NOL10: variants seen among roughly 807,000 people sequenced by gnomAD.
NOL10 encodes the protein H_NH0074G24.1.
Under a neutral mutation model 103.5 loss-of-function variants are expected in NOL10, and 58 were observed. The observed-to-expected ratio is 0.56, with a 90% CI of 0.45 to 0.70. The LOEUF (loss-of-function observed/expected upper bound fraction) is 0.70, where lower values mean the gene tolerates loss of function less well. NOL10 is among the 30% of genes least tolerant of loss of function. NOL10 has a pLI of 0.00. For missense variants in NOL10, 763 were observed against 807.3 expected (o/e 0.95, Z 0.67); for synonymous variants, 287 against 282.5 (o/e 1.02, Z -0.16).
intron 17 of NOL10, 125 bp from the exon 18 acceptor site, chr2:10,589,876 C>G: frequency 1.8e-6 from 1 of 545,822 alleles, no homozygotes; most frequent in Non-Finnish European, 2.9e-6. Flanking sequence ...ACATTATTAA[C>G]TCATTATGAA....
At chr2:10,642,014 T>C (rs2148275894) in intron 13 of NOL10, among the ~76,000 whole-genome samples, 2 of 152,318 alleles carry the variant, frequency 1.3e-5, no homozygotes, top group South Asian at 4.1e-4. Flanking sequence ...GCTGTCCATG[T>C]TGCTGTAGTG....
At chr2:10,598,907 T>C (rs1392953335) in intron 17 of NOL10, among the ~76,000 whole-genome samples, 2 of 150,764 alleles carry the variant, frequency 1.3e-5, no homozygotes, top group Non-Finnish European at 3.0e-5. Flanking sequence ...AGTAAGAGAG[T>C]TTTTAATGTT....
rs1680698740 is a variant in NOL10 at position 10,668,529 on chromosome 2, A to G, written c.530+129T>C. On this transcript the variant is annotated intron_variant, in intron 7 of 20. Transcript: ENST00000381685. ...TTTTTTGTCTGAGAATAAATTCAAC[A>G]GTACTTTTTAACTAAGTTGCTGGGA... 1.4e-5 allele frequency: 6 copies of G among 416,912 alleles called. No individual in the cohort carries two copies. The South Asian group carries it at 3.9e-4, about 27-fold the overall frequency. 25.8% of individuals were successfully genotyped at this position (416,912 alleles called of 1,614,324 possible). A position where few individuals can be genotyped will look rare whatever the true frequency, so the allele number is the denominator to read the frequency against.
chr2:10,662,903 C>G, intron 9 of NOL10, 56 bp downstream of exon 9: 1 of 1,234,390 alleles, frequency 8.1e-7, no homozygotes, highest in Non-Finnish European at 1.2e-6. Flanking sequence ...AATATAGACA[C>G]ATTACTTAAA....
intron 13 of NOL10, among the ~76,000 whole-genome samples, chr2:10,632,880 G>A (rs1677934684): frequency 6.6e-6 from 1 of 152,030 alleles, no homozygotes; most frequent in South Asian, 2.1e-4. Flanking sequence ...TGTTGCCCAG[G>A]CTAGTCTGAA....
intron 12 of NOL10, among the ~76,000 whole-genome samples, chr2:10,652,675 C>G (rs1472090923): frequency 6.6e-6 from 1 of 152,172 alleles, no homozygotes; most frequent in African/African-American, 2.4e-5. Flanking sequence ...CCCTCATTCT[C>G]CCAAATGAAC....
intron 2 of NOL10, 70 bp from the exon 3 acceptor site, chr2:10,682,139 G>A (rs953324931): frequency 5.0e-6 from 3 of 597,154 alleles, no homozygotes; most frequent in Non-Finnish European, 8.0e-6. Flanking sequence ...AAGACAAATG[G>A]GTACCAAGCA....
At chr2:10,587,108 T>TAC (rs1675099887) in intron 19 of NOL10, among the ~76,000 whole-genome samples, 1 of 44,134 alleles carries the variant, frequency 2.3e-5, no homozygotes, top group African/African-American at 1.2e-4. Flanking sequence ...CACATATATA[T>TAC]ACATATATAT....
intron 13 of NOL10, among the ~76,000 whole-genome samples, chr2:10,625,000 T>C (rs148591613): frequency 8.9e-4 from 136 of 152,146 alleles, no homozygotes; most frequent in Non-Finnish European, 1.7e-3. Context: ...AAGCATAGGA[T>C]TAAGTGAAAG....
chr2:10,605,518 ATATC>A (rs747578873), intron 14 of NOL10, among the ~76,000 whole-genome samples: 1 of 152,226 alleles, frequency 6.6e-6, no homozygotes, highest in Non-Finnish European at 1.5e-5. Context: ...ATTTTGTTGA[ATATC>A]TATTTCTATA....
chr2:10,618,240 T>A (rs1222296856), intron 13 of NOL10, among the ~76,000 whole-genome samples: 3 of 69,616 alleles, frequency 4.3e-5, no homozygotes, highest in Non-Finnish European at 7.2e-5. Context: ...AAAAAGCTGT[T>A]TTTTTAAAAA....
At chr2:10,675,378 C>G (rs905606097) in intron 4 of NOL10, among the ~76,000 whole-genome samples, 2 of 151,760 alleles carry the variant, frequency 1.3e-5, no homozygotes, top group African/African-American at 4.8e-5. Flanking sequence ...ATCCTATAAC[C>G]ACAACAAACT....
intron 13 of NOL10, among the ~76,000 whole-genome samples, chr2:10,612,016 A>G (rs973261366): frequency 2.7e-4 from 41 of 152,246 alleles, no homozygotes; most frequent in Admixed American, 4.6e-4. Context: ...ATATTATCCC[A>G]GGAGGGTGAG....
At chr2:10,655,737 G>C (rs1679804672) in intron 11 of NOL10, among the ~76,000 whole-genome samples, 1 of 152,204 alleles carries the variant, frequency 6.6e-6, no homozygotes, top group South Asian at 2.1e-4. Flanking sequence ...ATTTCAAGAA[G>C]TGATGTTGAA....
intron 8 of NOL10, among the ~76,000 whole-genome samples, chr2:10,663,855 CAGG>C (rs1166517666): frequency 1.3e-5 from 2 of 150,294 alleles, no homozygotes; most frequent in African/African-American, 4.9e-5. Flanking sequence ...GAGGCTGAGG[CAGG>C]AGAATGGCAT....
At chr2:10,598,300 G>A (rs1381038988) in intron 17 of NOL10, among the ~76,000 whole-genome samples, 1 of 152,214 alleles carries the variant, frequency 6.6e-6, no homozygotes, top group Non-Finnish European at 1.5e-5. Flanking sequence ...CAGGACGCGT[G>A]TGTAACTGTT....
At chr2:10,661,029 A>C (rs1429397966) in intron 9 of NOL10, among the ~76,000 whole-genome samples, 1 of 151,786 alleles carries the variant, frequency 6.6e-6, no homozygotes, top group Non-Finnish European at 1.5e-5. Flanking sequence ...TCTTCCTATG[A>C]CTATGTTTGT....
At chr2:10,676,467 C>A (rs1170363501) in intron 3 of NOL10, among the ~76,000 whole-genome samples, 1 of 152,186 alleles carries the variant, frequency 6.6e-6, no homozygotes, top group Non-Finnish European at 1.5e-5. Context: ...GGGAATATTA[C>A]ATAGCCCATA....
intron 19 of NOL10, among the ~76,000 whole-genome samples, chr2:10,588,441 C>G (rs1368692519): frequency 6.6e-6 from 1 of 152,196 alleles, no homozygotes; most frequent in Non-Finnish European, 1.5e-5. Context: ...GAATACTACT[C>G]TTTTCGATCT....
Sources: gnomAD v4.1 joint callset for allele counts (sites outside exome capture counted in the v4.1 genomes callset) on GRCh38, gnomAD v4.1.1 for gene constraint, MANE v1.5 for transcripts, NCBI Gene and HGNC (gene_info 2026-07-23, HGNC 2026-07-21) for gene names.